PCDH11Y: variants seen among roughly 807,000 people sequenced by gnomAD.
The protein encoded by PCDH11Y is protocadherin-11 Y-linked.
For synonymous variants in PCDH11Y, 9 were observed against 83.6 expected, an observed-to-expected ratio of 0.11 and a Z score of 4.87; for missense variants, 12 against 224.8, an observed-to-expected ratio of 0.05 and a Z score of 6.05.
At chrY:5,528,880 A>T (rs2053390230) in intron 3 of PCDH11Y, among the ~76,000 whole-genome samples, 1 of 33,100 alleles carries the variant, frequency 3.0e-5, no homozygotes, top group Non-Finnish European at 7.5e-5. Flanking sequence ...CTACAACAAG[A>T]GATATGTTTA....
intron 4 of PCDH11Y, among the ~76,000 whole-genome samples, chrY:5,675,749 C>A: frequency 3.0e-5 from 1 of 33,817 alleles, no homozygotes; most frequent in Admixed American, 2.6e-4. Context: ...CTCCATGTCT[C>A]ACATCCAGGT....
chrY:5,289,654 C>A (rs2124661735), intron 2 of PCDH11Y, among the ~76,000 whole-genome samples: 1 of 33,529 alleles, frequency 3.0e-5, no homozygotes, highest in South Asian at 7.0e-4. Context: ...GGGCATTGAA[C>A]CCCATTGCCT....
chrY:5,477,694 C>T (rs2053320828), intron 2 of PCDH11Y, among the ~76,000 whole-genome samples: 132 of 32,895 alleles, frequency 4.0e-3, no homozygotes, highest in Non-Finnish European at 7.7e-3. Flanking sequence ...TTTCAGAGCT[C>T]GTTGTTGGTC....
chrY:5,078,284 T>C, intron 1 of PCDH11Y, among the ~76,000 whole-genome samples: 1 of 33,450 alleles, frequency 3.0e-5, no homozygotes, highest in Non-Finnish European at 7.4e-5. Context: ...GGCATTTGCA[T>C]TGATTCCACA....
At chrY:5,049,788 C>A in intron 3 of PCDH11Y, among the ~76,000 whole-genome samples, 1 of 32,391 alleles carries the variant, frequency 3.1e-5, no homozygotes. Flanking sequence ...GTCTCCATCT[C>A]CTGACCTCGT....
intron 2 of PCDH11Y, among the ~76,000 whole-genome samples, chrY:5,170,694 T>TG (rs2052885648): frequency 3.2e-5 from 1 of 30,889 alleles, no homozygotes; most frequent in Non-Finnish European, 7.9e-5. Context: ...AAGTTTGTGT[T>TG]GGGGGGGTGC....
At chrY:5,107,218 A>G, downstream of PCDH11Y, among the ~76,000 whole-genome samples, 2 of 33,207 alleles carry the variant, frequency 6.0e-5, no homozygotes, top group Admixed American at 2.8e-4. Flanking sequence ...GCATTCCTCA[A>G]TGGTTTTATG....
At chrY:5,645,062 C>T in intron 4 of PCDH11Y, among the ~76,000 whole-genome samples, 1 of 32,100 alleles carries the variant, frequency 3.1e-5, no homozygotes, top group African/African-American at 1.2e-4. Context: ...GGAATTCATT[C>T]ATTGGGTCAT....
chrY:5,498,786 C>T, intron 2 of PCDH11Y, among the ~76,000 whole-genome samples: 2 of 33,882 alleles, frequency 5.9e-5, no homozygotes, highest in African/African-American at 2.3e-4. Context: ...TTAGAAAATA[C>T]AGTGTGGTTT....
At chrY:5,049,560 CT>C (rs2052648039) in intron 3 of PCDH11Y, among the ~76,000 whole-genome samples, 4 of 23,950 alleles carry the variant, frequency 1.7e-4, no homozygotes, top group Admixed American at 3.9e-4. Context: ...AGGCAGAATT[CT>C]TTTTTTTTTT....
At chrY:5,291,922 G>A in intron 2 of PCDH11Y, among the ~76,000 whole-genome samples, 1 of 32,039 alleles carries the variant, frequency 3.1e-5, no homozygotes, top group Non-Finnish European at 7.6e-5. Flanking sequence ...GTTGAGATAC[G>A]TTCCTTCTAT....
exon 5 of PCDH11Y, chrY:5,738,385 C>A: frequency 4.7e-5 from 2 of 42,522 alleles, no homozygotes; most frequent in South Asian, 6.0e-4. Context: ...AAAAGGTATA[C>A]GTACTCTAGC....
intron 2 of PCDH11Y, among the ~76,000 whole-genome samples, chrY:5,481,852 C>T: frequency 9.5e-5 from 3 of 31,488 alleles, no homozygotes; most frequent in Non-Finnish European, 2.3e-4. Flanking sequence ...GTTTTATGGC[C>T]ATATATATTA....
intron 2 of PCDH11Y, among the ~76,000 whole-genome samples, chrY:5,496,760 A>G (rs2053345277): frequency 3.2e-5 from 1 of 31,447 alleles, no homozygotes; most frequent in East Asian, 8.4e-4. Flanking sequence ...CCCATCACCT[A>G]CATTAGGTAT....
chrY:5,685,081 GT>G (rs2124709994), intron 4 of PCDH11Y, among the ~76,000 whole-genome samples: 2 of 27,701 alleles, frequency 7.2e-5, no homozygotes, highest in East Asian at 1.9e-3. Flanking sequence ...GTACCATAAT[GT>G]CTGATGTACC....
At chrY:5,569,671 A>G in intron 3 of PCDH11Y, among the ~76,000 whole-genome samples, 5 of 33,355 alleles carry the variant, frequency 1.5e-4, no homozygotes, top group Non-Finnish European at 3.0e-4. Context: ...CACAATGTGC[A>G]TTTGAGGAAT....
At chrY:5,163,371 T>C (rs2124644607) in intron 2 of PCDH11Y, among the ~76,000 whole-genome samples, 1 of 33,127 alleles carries the variant, frequency 3.0e-5, no homozygotes, top group South Asian at 6.6e-4. Flanking sequence ...AAATGCCAGA[T>C]GGAAATGTGG....
At chrY:5,456,864 G>T (rs2053298962) in intron 2 of PCDH11Y, among the ~76,000 whole-genome samples, 2 of 32,353 alleles carry the variant, frequency 6.2e-5, no homozygotes, top group African/African-American at 2.4e-4. Flanking sequence ...GTACCTATTG[G>T]GTCCTATGCT....
intron 3 of PCDH11Y, among the ~76,000 whole-genome samples, chrY:5,505,631 T>G: frequency 3.0e-5 from 1 of 33,398 alleles, no homozygotes; most frequent in Non-Finnish European, 7.6e-5. Context: ...ATTAAAATGA[T>G]GTCTGCTAGA....
Sources: allele counts gnomAD v4.1 joint callset (sites outside exome capture counted in the v4.1 genomes callset), GRCh38; gene constraint gnomAD v4.1.1; transcripts MANE v1.5; gene names NCBI Gene and HGNC (gene_info 2026-07-23, HGNC 2026-07-21).